FBXO8: variants seen among roughly 807,000 people sequenced by gnomAD.
FBXO8 encodes the protein F-box protein 8, also known as F-box only protein 8.
Under a neutral mutation model 33.4 loss-of-function variants are expected in FBXO8, and 15 were observed. That is an observed-to-expected ratio of 0.45 (90% confidence interval 0.30 to 0.69). The LOEUF is 0.69. FBXO8 is among the 30% of genes least tolerant of loss of function. FBXO8 has a pLI of 0.08. For missense variants in FBXO8, 274 were observed against 380.3 expected, an observed-to-expected ratio of 0.72 and a Z score of 2.32; for synonymous variants, 132 against 131.5, an observed-to-expected ratio of 1.00 and a Z score of -0.02.
At chr4:174,260,237 A>G (rs967621414) in intron 2 of FBXO8, among the ~76,000 whole-genome samples, 3 of 152,044 alleles carry the variant, frequency 2.0e-5, no homozygotes, top group Non-Finnish European at 4.4e-5. Context: ...AAACACAGAC[A>G]AAACAGTTGC....
rs568369839 is a variant in FBXO8 at position 174,272,983 on chromosome 4, A to G, written c.-8-9883T>C. Among the ~76,000 whole-genome samples, 3 of 152,330 alleles carry G rather than the reference A, an allele frequency of 2.0e-5. No homozygotes were observed. Among genetic ancestry groups the G allele is most frequent in the South Asian group, 2.1e-4 (1 of 4,828 alleles). ...AGAAACTCAAAAGGCAGTCTGTAAA[A>G]TAACAGAATATTTTCCTTCAAAAAC... On this transcript the variant is annotated intron_variant, in intron 1 of 5. Coordinates refer to ENST00000393674, the MANE Select transcript of FBXO8 (RefSeq NM_012180.3). This position sits in a 1 kb window ranked among gnomAD's most constrained non-coding sequence, Gnocchi z 4.7.
rs1018052480 is a variant in FBXO8 at position 174,262,575 on chromosome 4, T to C, written c.329+189A>G. Among the ~76,000 whole-genome samples, 3 of 152,218 alleles carry C rather than the reference T, an allele frequency of 2.0e-5. No individual in the cohort carries two copies. The highest frequency in any genetic ancestry group is 4.4e-5 in the Non-Finnish European group (3 of 68,030). On this transcript the variant is annotated intron_variant, in intron 2 of 5. Transcript: ENST00000393674. The surrounding 1 kb of genome is among the most constrained non-coding windows in gnomAD (Gnocchi z 4.6). Reference sequence around the variant, plus strand: ...AAAGTTATTATTCTATTTTCTATTGTCCTCCTTTTCACAAGATCAAATTTG... The same window carrying C: ...AAAGTTATTATTCTATTTTCTATTGCCCTCCTTTTCACAAGATCAAATTTG...
At position 174,251,553 on chromosome 4, in the gene FBXO8, TA is replaced by T. The variant is rs1433846001; in HGVS notation, c.456+8145del. Among the ~76,000 whole-genome samples the T allele has an allele frequency of 6.6e-6, 1 of 152,054 alleles. No individual in the cohort carries two copies. The highest frequency in any genetic ancestry group is 1.9e-4 in the East Asian group (1 of 5,184). On this transcript the variant is annotated intron_variant, in intron 3 of 5. Transcript: ENST00000393674. The surrounding 1 kb of genome is among the most constrained non-coding windows in gnomAD (Gnocchi z 4.2). ...AAGGCAAAGGGTAAAGCTGCCTTCT[TA>T]ACCATAAAATCACCTGATGGATTAG...
chr4:174,265,293 C>T lies in FBXO8; in HGVS notation c.-8-2193G>A, dbSNP rs1269156523. On this transcript the variant is annotated intron_variant, in intron 1 of 5. Transcript: ENST00000393674. The surrounding 1 kb of genome is among the most constrained non-coding windows in gnomAD (Gnocchi z 4.7). Reference sequence around the variant, plus strand: ...TAAAAGCTTTTTATTTAGGTATTTACCTAATTAAAAGCTTTTTATTTAGGT... The same window carrying T: ...TAAAAGCTTTTTATTTAGGTATTTATCTAATTAAAAGCTTTTTATTTAGGT... 1.5e-5 allele frequency among the ~76,000 whole-genome samples: 2 copies of T among 135,522 alleles called. No homozygotes were observed. The highest frequency in any genetic ancestry group is 5.4e-5 in the African/African-American group (2 of 36,932). 88.9% of individuals were successfully genotyped at this position (135,522 alleles called of 152,430 possible). A position where few individuals can be genotyped will look rare whatever the true frequency, so the allele number is the denominator to read the frequency against.
Position 174,267,342 on chromosome 4 carries a change from G to A in FBXO8, c.-8-4242C>T, listed in dbSNP as rs959493569. On this transcript the variant is annotated intron_variant, in intron 1 of 5. Transcript: ENST00000393674. The surrounding 1 kb of genome is among the most constrained non-coding windows in gnomAD (Gnocchi z 4.7). ...AGGCAGGAGGACTGCTTGAGACCAAGAGTTCAAGACCAGACTGGGCAACAT... is the reference window on the plus strand; with the variant it reads ...AGGCAGGAGGACTGCTTGAGACCAAAAGTTCAAGACCAGACTGGGCAACAT... 2.6e-5 allele frequency among the ~76,000 whole-genome samples: 4 copies of A among 152,144 alleles called. No individual in the cohort carries two copies. Among genetic ancestry groups the A allele is most frequent in the Non-Finnish European group, 4.4e-5 (3 of 68,026 alleles).
Position 174,261,434 on chromosome 4 carries a change from G to T in FBXO8, c.329+1330C>A, listed in dbSNP as rs983852858. 1.0e-3 allele frequency among the ~76,000 whole-genome samples: 156 copies of T among 151,866 alleles called. No homozygotes were observed. The highest frequency in any genetic ancestry group is 3.6e-3 in the African/African-American group (148 of 41,502). On this transcript the variant is annotated intron_variant, in intron 2 of 5. Coordinates refer to ENST00000393674, the MANE Select transcript of FBXO8 (RefSeq NM_012180.3). This position sits in a 1 kb window ranked among gnomAD's most constrained non-coding sequence, Gnocchi z 4.1. ...AAGAATACATTCTGGTTGACTTCAG[G>T]TAAGGCTAGAAATTAAACTTTTAAA...
At position 174,263,919 on chromosome 4, in the gene FBXO8, T is replaced by C. The variant is rs1021319938; in HGVS notation, c.-8-819A>G. 6.6e-6 allele frequency among the ~76,000 whole-genome samples: 1 copy of C among 152,194 alleles called. No homozygotes were observed. The highest frequency in any genetic ancestry group is 2.4e-5 in the African/African-American group (1 of 41,444). On this transcript the variant is annotated intron_variant, in intron 1 of 5. Transcript: ENST00000393674. This position sits in a 1 kb window ranked among gnomAD's most constrained non-coding sequence, Gnocchi z 4.2. Reference sequence around the variant, plus strand: ...TCTGTCACATATATTGACTTCCTCATGTACAAATGTATTAGAAAATTCCTA... The same window carrying C: ...TCTGTCACATATATTGACTTCCTCACGTACAAATGTATTAGAAAATTCCTA...
At chr4:174,240,696 G>C (rs945639714) in intron 4 of FBXO8, among the ~76,000 whole-genome samples, 1 of 151,524 alleles carries the variant, frequency 6.6e-6, no homozygotes, top group Non-Finnish European at 1.5e-5. Context: ...CCTAGGATTT[G>C]GGGTTTATGA....
In FBXO8 at chr4:174,251,177, A is replaced by G. The variant is rs1344699815; in HGVS notation, c.456+8522T>C. 1.3e-5 allele frequency among the ~76,000 whole-genome samples: 2 copies of G among 152,164 alleles called. No individual in the cohort carries two copies. Among genetic ancestry groups the G allele is most frequent in the African/African-American group, 4.8e-5 (2 of 41,446 alleles). On this transcript the variant is annotated intron_variant, in intron 3 of 5. Transcript: ENST00000393674. This position sits in a 1 kb window ranked among gnomAD's most constrained non-coding sequence, Gnocchi z 4.2. ...GTATCCTAGGATGAAGACATTTTCC[A>G]CTAATTTCAGTTTTTACCCTAGACA... is the stretch of plus-strand genomic sequence containing the variant.
intron 3 of FBXO8, among the ~76,000 whole-genome samples, chr4:174,250,753 G>C (rs1736267379): frequency 6.6e-6 from 1 of 152,102 alleles, no homozygotes; most frequent in Non-Finnish European, 1.5e-5. Context: ...TCCAAGAATT[G>C]AGGAAATATT....
chr4:174,239,204 A>G lies in FBXO8; in HGVS notation c.576-14T>C, dbSNP rs769569690. The G allele has an allele frequency of 1.3e-6, 2 of 1,489,384 alleles. No individual in the cohort carries two copies. The highest frequency in any genetic ancestry group is 2.8e-5 in the South Asian group (2 of 72,082). The allele number at this position is 1,489,384 out of a possible 1,614,324, so 92.3% of individuals were successfully genotyped here. ...AAGACATCTCTCCTACAGAAAGAAA[A>G]AAAGGCACAGCTTTGGTTAACTTTT... On this transcript the variant is annotated splice_polypyrimidine_tract_variant and intron_variant, in intron 4 of 5. Coordinates refer to ENST00000393674, the MANE Select transcript of FBXO8 (RefSeq NM_012180.3).
rs1444018306 is a variant in FBXO8, at chr4:174,251,125, ATATTT to A, written c.456+8569_456+8573del. ...AAAAAATTGTTCATTGTAGCATATC[ATATTT>A]TAATATTAAAAATTTAAAAATGTAT... On this transcript the variant is annotated intron_variant, in intron 3 of 5. Coordinates refer to ENST00000393674, the MANE Select transcript of FBXO8 (RefSeq NM_012180.3). This position sits in a 1 kb window ranked among gnomAD's most constrained non-coding sequence, Gnocchi z 4.2. Among the ~76,000 whole-genome samples, 2 of 152,198 alleles carry A rather than the reference ATATTT, an allele frequency of 1.3e-5. No individual in the cohort carries two copies. The highest frequency in any genetic ancestry group is 4.8e-5 in the African/African-American group (2 of 41,452).
chr4:174,272,777 T>C lies in FBXO8; in HGVS notation c.-8-9677A>G, dbSNP rs1222933871. On this transcript the variant is annotated intron_variant, in intron 1 of 5. Coordinates refer to ENST00000393674, the MANE Select transcript of FBXO8 (RefSeq NM_012180.3). The surrounding 1 kb of genome is among the most constrained non-coding windows in gnomAD (Gnocchi z 4.7). ...AAAGTATCTTCCCACATATCAGTCA[T>C]TAATTACAAGAAAAAATTAAGAAAT... Among the ~76,000 whole-genome samples, 1 of 152,136 alleles carries C rather than the reference T, an allele frequency of 6.6e-6. No individual in the cohort carries two copies. The highest frequency in any genetic ancestry group is 1.5e-5 in the Non-Finnish European group (1 of 68,022).
At chr4:174,246,676 G>T (rs551553733) in intron 3 of FBXO8, among the ~76,000 whole-genome samples, 1 of 151,990 alleles carries the variant, frequency 6.6e-6, no homozygotes, top group East Asian at 1.9e-4. Flanking sequence ...ACTGATGTGC[G>T]GGAGATTTTG....
At chr4:174,248,851 T>A (rs1287337516) in intron 3 of FBXO8, among the ~76,000 whole-genome samples, 2 of 152,028 alleles carry the variant, frequency 1.3e-5, no homozygotes, top group South Asian at 4.1e-4. Flanking sequence ...CCTGAAATTA[T>A]CTGCAGTTAA....
chr4:174,264,733 C>T (rs1242823553), intron 1 of FBXO8, among the ~76,000 whole-genome samples: 1 of 151,514 alleles, frequency 6.6e-6, no homozygotes, highest in African/African-American at 2.4e-5. Context: ...TCTCTCCCTA[C>T]TACACACGAC....
Position 174,257,128 on chromosome 4 carries a change from A to G in FBXO8, c.456+2571T>C, listed in dbSNP as rs1247364944. ...GCCCCCTCTCCAAACACCCTAGAGG[A>G]GGTACTAACAAGAACTGTATAGTTT... On this transcript the variant is annotated intron_variant, in intron 3 of 5. Transcript: ENST00000393674. The surrounding 1 kb of genome is among the most constrained non-coding windows in gnomAD (Gnocchi z 4.3). Among the ~76,000 whole-genome samples, 1 of 152,094 alleles carries G rather than the reference A, an allele frequency of 6.6e-6. No individual in the cohort carries two copies. The highest frequency in any genetic ancestry group is 1.5e-5 in the Non-Finnish European group (1 of 67,990).
rs770803119 is a variant in FBXO8, at chr4:174,257,765, T to C, written c.456+1934A>G. On this transcript the variant is annotated intron_variant, in intron 3 of 5. Transcript: ENST00000393674. The surrounding 1 kb of genome is among the most constrained non-coding windows in gnomAD (Gnocchi z 4.3). ...CATATCTTTATTATGATTATGATTATTATCATTGAGACAGAGTCTCACTCT... is the reference window on the plus strand; with the variant it reads ...CATATCTTTATTATGATTATGATTACTATCATTGAGACAGAGTCTCACTCT... Among the ~76,000 whole-genome samples the C allele has an allele frequency of 6.6e-6, 1 of 152,018 alleles. No individual in the cohort carries two copies. The highest frequency in any genetic ancestry group is 2.4e-5 in the African/African-American group (1 of 41,388).
chr4:174,259,905 A>G lies in FBXO8; in HGVS notation c.330-80T>C. 1 of 1,323,772 alleles carries G rather than the reference A, an allele frequency of 7.6e-7. No homozygotes were observed. The highest frequency in any genetic ancestry group is 1.0e-6 in the Non-Finnish European group (1 of 976,878). 82.0% of individuals were successfully genotyped at this position (1,323,772 alleles called of 1,614,324 possible). A position where few individuals can be genotyped will look rare whatever the true frequency, so the allele number is the denominator to read the frequency against. On this transcript the variant is annotated intron_variant, in intron 2 of 5. Coordinates refer to ENST00000393674, the MANE Select transcript of FBXO8 (RefSeq NM_012180.3). The surrounding 1 kb of genome is among the most constrained non-coding windows in gnomAD (Gnocchi z 4.3). ...GTTAAATATGCATATACATGCAAAA[A>G]TAGTAACATGAAATAAGATTGAATT...
Sources: gnomAD v4.1 joint callset for allele counts (sites outside exome capture counted in the v4.1 genomes callset) on GRCh38, gnomAD v4.1.1 for gene constraint, Gnocchi (gnomAD v3.1) non-coding constraint, MANE v1.5 for transcripts, NCBI Gene and HGNC (gene_info 2026-07-23, HGNC 2026-07-21) for gene names.